KCNQ3: variants seen among roughly 807,000 people sequenced by gnomAD.
KCNQ3 encodes potassium voltage-gated channel subfamily KQT member 3.
A neutral mutation model predicts 92.5 loss-of-function variants in KCNQ3; 30 were observed. That is an observed-to-expected ratio of 0.32 (90% CI 0.24 to 0.44). KCNQ3 has a LOEUF of 0.44. Ranked by LOEUF, KCNQ3 falls within the 20% of genes least tolerant of loss-of-function variation. The pLI, the probability that KCNQ3 is intolerant of heterozygous loss-of-function variation, is 1.00. For synonymous variants in KCNQ3, 450 were observed against 468.8 expected, an observed-to-expected ratio of 0.96 and a Z score of 0.52; for missense variants, 913 against 1,140.3, an observed-to-expected ratio of 0.80 and a Z score of 2.87.
At chr8:132,265,996 T>A (rs1462961429) in intron 1 of KCNQ3, among the ~76,000 whole-genome samples, 2 of 152,344 alleles carry the variant, frequency 1.3e-5, no homozygotes, top group South Asian at 2.1e-4. Flanking sequence ...CCTTCAGCTA[T>A]CACATAGCAG....
chr8:132,205,007 A>G (rs1813611748), intron 1 of KCNQ3, among the ~76,000 whole-genome samples: 2 of 152,176 alleles, frequency 1.3e-5, no homozygotes, highest in Admixed American at 1.3e-4. Flanking sequence ...ATGTCCATCC[A>G]GGAAAGCTGA....
chr8:132,449,938 G>C (rs1391838910), intron 1 of KCNQ3, among the ~76,000 whole-genome samples: 1 of 152,158 alleles, frequency 6.6e-6, no homozygotes, highest in Non-Finnish European at 1.5e-5. Context: ...CCCAACTCTA[G>C]CCCTCTTCCC....
chr8:132,162,082 T>A (rs903563051), intron 9 of KCNQ3, among the ~76,000 whole-genome samples: 1 of 151,962 alleles, frequency 6.6e-6, no homozygotes, highest in African/African-American at 2.4e-5. Flanking sequence ...CTTGGCAGAG[T>A]GGGGGGTTCT....
intron 1 of KCNQ3, among the ~76,000 whole-genome samples, chr8:132,470,767 T>C (rs749871991): frequency 3.3e-5 from 5 of 152,264 alleles, no homozygotes; most frequent in Non-Finnish European, 7.3e-5. Context: ...GTTATGTCTC[T>C]TTAGCCTCCA....
intron 1 of KCNQ3, among the ~76,000 whole-genome samples, chr8:132,362,439 A>G (rs183624947): frequency 2.0e-5 from 3 of 152,316 alleles, no homozygotes; most frequent in East Asian, 3.9e-4. Context: ...CTGAGCATCA[A>G]CCTTCCAGTT....
chr8:132,184,098 C>T, intron 3 of KCNQ3, 143 bp downstream of exon 3: 1 of 1,013,090 alleles, frequency 9.9e-7, no homozygotes, highest in Non-Finnish European at 1.5e-6. Context: ...ACTGTCCCTT[C>T]TCATCGAGGC....
chr8:132,129,272 T>C lies in KCNQ3; in HGVS notation c.2609A>G (p.Lys870Arg). The stretch of plus-strand genomic sequence containing the variant: ...AGCCAGTGACCTCTTTTAAATGGGC[T>C]TATTGGAAGGGGTCCATACTGAATC... ...ISDSVWTPSN[K>R]PI Residue 870 changes from lysine (K) to arginine (R), a missense_variant, in exon 15 of 15, where the codon AAG (lysine) becomes AGG (arginine). By Grantham distance (26) the Lys-to-Arg change is conservative (BLOSUM62 2). Around this residue, in one of 6 missense-constraint regions of KCNQ3, gnomAD observed 375 missense variants for 376.4 expected, o/e 1.00. Coordinates refer to ENST00000388996, the MANE Select transcript of KCNQ3 (RefSeq NM_004519.4). The surrounding 1 kb of genome is among the most constrained non-coding windows in gnomAD (Gnocchi z 5.9). 1.2e-6 allele frequency: 2 copies of C among 1,612,072 alleles called. No homozygotes were observed. Among genetic ancestry groups the C allele is most frequent in the Non-Finnish European group, 1.7e-6 (2 of 1,180,024 alleles).
At chr8:132,141,096 G>T (rs1360214822) in intron 10 of KCNQ3, 33 bp downstream of exon 10, 1 of 1,594,796 alleles carries the variant, frequency 6.3e-7, no homozygotes, top group Admixed American at 1.7e-5. Flanking sequence ...GGAAGAAGTG[G>T]AAGAGACAGG....
At chr8:132,265,460 T>C (rs1815950668) in intron 1 of KCNQ3, among the ~76,000 whole-genome samples, 1 of 152,242 alleles carries the variant, frequency 6.6e-6, no homozygotes, top group Non-Finnish European at 1.5e-5. Flanking sequence ...CACGGCATTA[T>C]TCACAGAACC....
At chr8:132,425,381 T>G (rs1463844700) in intron 1 of KCNQ3, among the ~76,000 whole-genome samples, 1 of 152,232 alleles carries the variant, frequency 6.6e-6, no homozygotes, top group African/African-American at 2.4e-5. Context: ...AAGTAAATTC[T>G]CTAAGCCTCA....
chr8:132,435,288 G>A (rs1047705776), intron 1 of KCNQ3, among the ~76,000 whole-genome samples: 2 of 152,200 alleles, frequency 1.3e-5, no homozygotes, highest in Non-Finnish European at 2.9e-5. Context: ...TCTGTGGAAT[G>A]TAACAGTGAG....
chr8:132,371,701 C>T (rs1032343473), intron 1 of KCNQ3, among the ~76,000 whole-genome samples: 1 of 152,178 alleles, frequency 6.6e-6, no homozygotes, highest in African/African-American at 2.4e-5. Flanking sequence ...AAACCAACAC[C>T]ACTCTCCACG....
intron 1 of KCNQ3, among the ~76,000 whole-genome samples, chr8:132,238,886 G>A (rs1037363132): frequency 3.9e-5 from 6 of 152,134 alleles, no homozygotes; most frequent in Non-Finnish European, 7.3e-5. Context: ...ATGAGGGAGA[G>A]AAGAAAAAAG....
intron 1 of KCNQ3, among the ~76,000 whole-genome samples, chr8:132,466,467 G>GC (rs1452709758): frequency 6.6e-6 from 1 of 152,084 alleles, no homozygotes; most frequent in Non-Finnish European, 1.5e-5. Context: ...AAATTTCTCT[G>GC]CCCCCAGGAG....
Position 132,182,269 on chromosome 8 carries a change from T to C in KCNQ3, c.605-1940A>G, listed in dbSNP as rs75459747. Among the ~76,000 whole-genome samples, 377 of 152,274 alleles carry C rather than the reference T, an allele frequency of 2.5e-3. 1 individual carries two copies. The highest frequency in any genetic ancestry group is 8.6e-3 in the African/African-American group (356 of 41,562). ...GAAAACAAAAGAACACCAAGATGTG[T>C]AGTAAACACTATGGTCTAAGACGCT... is the stretch of plus-strand genomic sequence containing the variant. On this transcript the variant is annotated intron_variant, in intron 3 of 14. Coordinates refer to ENST00000388996, the MANE Select transcript of KCNQ3 (RefSeq NM_004519.4).
chr8:132,442,879 T>C (rs142787669), intron 1 of KCNQ3, among the ~76,000 whole-genome samples: 1 of 152,224 alleles, frequency 6.6e-6, no homozygotes, highest in Non-Finnish European at 1.5e-5. Flanking sequence ...GAAAAAAATG[T>C]TTGAGATATT....
At chr8:132,225,345 T>C (rs1469880231) in intron 1 of KCNQ3, among the ~76,000 whole-genome samples, 1 of 152,128 alleles carries the variant, frequency 6.6e-6, no homozygotes, top group East Asian at 1.9e-4. Context: ...CCTGGAAAGA[T>C]CACTGGAATC....
intron 4 of KCNQ3, 28 bp downstream of exon 4, chr8:132,180,129 G>C: frequency 1.2e-6 from 2 of 1,613,172 alleles, no homozygotes; most frequent in Non-Finnish European, 1.7e-6. Flanking sequence ...AAGCCCATGT[G>C]GTCCTGCAGT....
chr8:132,177,680 C>T (rs62519582), intron 4 of KCNQ3, among the ~76,000 whole-genome samples: 7,785 of 152,260 alleles, frequency 0.051, 315 homozygotes, highest in Non-Finnish European at 0.074. Flanking sequence ...AAAGCATTAA[C>T]TTTGAAAGTT....
Sources: gnomAD v4.1 joint callset for allele counts (sites outside exome capture counted in the v4.1 genomes callset) on GRCh38, gnomAD v4.1.1 for gene constraint, gnomAD v4.1.1 regional missense constraint, Gnocchi (gnomAD v3.1) non-coding constraint, MANE v1.5 for transcripts, NCBI Gene and HGNC (gene_info 2026-07-23, HGNC 2026-07-21) for gene names.